MAGEA11: variants seen among roughly 807,000 people sequenced by gnomAD.
MAGEA11 encodes the protein melanoma-associated antigen 11.
Under a neutral mutation model 8.4 loss-of-function variants are expected in MAGEA11, and 1 was observed. That is an observed-to-expected ratio of 0.12 (90% CI 0.04 to 0.57). The LOEUF (loss-of-function observed/expected upper bound fraction) is 0.57, where lower values mean the gene tolerates loss of function less well. Ranked by LOEUF, MAGEA11 falls within the 20% of genes least tolerant of loss-of-function variation. The pLI is 0.91. For missense variants in MAGEA11, 209 were observed against 317.3 expected (o/e 0.66, Z 2.59); for synonymous variants, 127 against 119.3 (o/e 1.06, Z -0.42).
intron 1 of MAGEA11, among the ~76,000 whole-genome samples, chrX:149,698,362 A>G (rs929270039): frequency 2.7e-5 from 3 of 111,430 alleles, no homozygotes; most frequent in Non-Finnish European, 5.7e-5. Context: ...TATCATAAAA[A>G]TTTTTTAATC....
chrX:149,700,598 G>A (rs1557360919), intron 1 of MAGEA11, among the ~76,000 whole-genome samples: 1 of 108,799 alleles, frequency 9.2e-6, no homozygotes, highest in South Asian at 4.1e-4. Flanking sequence ...AAGTTTTAGG[G>A]TACATGTGCA....
At chrX:149,713,471 G>C (rs1337088852) in intron 2 of MAGEA11, 1 of 350,079 alleles carries the variant, frequency 2.9e-6, no homozygotes, top group African/African-American at 2.7e-5. Flanking sequence ...GAGGCCCCAA[G>C]CAGGACTCTA....
At chrX:149,700,965 T>C (rs1252103185) in intron 1 of MAGEA11, among the ~76,000 whole-genome samples, 1 of 107,833 alleles carries the variant, frequency 9.3e-6, no homozygotes, top group Admixed American at 1.0e-4. Context: ...CAGTCTATCA[T>C]TGTTGGACAT....
chrX:149,688,687 TATACATATA>T (rs2090297520), upstream of MAGEA11: 9 of 193,165 alleles, frequency 4.7e-5, no homozygotes, highest in Middle Eastern at 3.7e-3. Flanking sequence ...TACATATACA[TATACATATA>T]CATATACATA....
rs1557362088 is a variant in MAGEA11, at chrX:149,713,181, G to A, written c.22G>A (p.Gly8Arg). 1 of 1,205,373 alleles carries A rather than the reference G, an allele frequency of 8.3e-7. No homozygotes were observed. Among genetic ancestry groups the A allele is most frequent in the African/African-American group, 1.8e-5 (1 of 56,847 alleles). The change falls in exon 2 of 5, where the codon GGG (glycine) becomes AGG (arginine). Residue 8 changes from glycine to arginine, a missense_variant. By Grantham distance (125) the Gly-to-Arg change is moderately radical. Transcript: ENST00000355220. ...AGGGATGGAGACTCAGTTCCGCAGA[G>A]GGGGTCTGGGGTGCAGCCCTGCCAG... Reference protein sequence around the residue: METQFRRGGLGCSPASIK... With the variant: METQFRRRGLGCSPASIK...
intron 1 of MAGEA11, among the ~76,000 whole-genome samples, chrX:149,696,975 C>T (rs2090332584): frequency 8.9e-6 from 1 of 111,873 alleles, no homozygotes; most frequent in Admixed American, 9.4e-5. Flanking sequence ...ATCTTCACTG[C>T]TCTGTCCATA....
chrX:149,713,093 G>GCC (rs368893040), intron 1 of MAGEA11, 50 bp from the exon 2 acceptor site: 24 of 809,618 alleles, frequency 3.0e-5, no homozygotes, highest in African/African-American at 2.3e-4. Context: ...CCCCAGAACA[G>GCC]CCCCCCCCCA....
intron 4 of MAGEA11, 25 bp downstream of exon 4, chrX:149,715,702 C>A (rs782788721): frequency 8.3e-7 from 1 of 1,199,812 alleles, no homozygotes; most frequent in South Asian, 1.8e-5. Context: ...GTTAGATTCT[C>A]CATGGTTCAT....
At chrX:149,714,299 C>T (rs1602941140) in intron 2 of MAGEA11, 182 bp from the exon 3 acceptor site, 2 of 612,022 alleles carry the variant, frequency 3.3e-6, no homozygotes, top group East Asian at 3.7e-5. Flanking sequence ...TATGTCTGCT[C>T]ATCTCAGGGG....
chrX:149,713,095 C>G (rs782478542), intron 1 of MAGEA11, 48 bp from the exon 2 acceptor site: 4 of 860,129 alleles, frequency 4.7e-6, no homozygotes, highest in East Asian at 3.2e-5. Context: ...CCAGAACAGC[C>G]CCCCCCCATA....
Position 149,706,950 on chromosome X carries a change from G to C in MAGEA11, c.10-7531G>C, listed in dbSNP as rs782197220. Reference sequence around the variant, plus strand: ...AGGTCACAGCTGCCTCCTGACAAGAGAGAGTGTTCAGATAGCCCTGGGTGG... The same window carrying C: ...AGGTCACAGCTGCCTCCTGACAAGACAGAGTGTTCAGATAGCCCTGGGTGG... On this transcript the variant is annotated intron_variant, in intron 1 of 3. Transcript: ENST00000333104. Among the ~76,000 whole-genome samples, 3 of 112,859 alleles carry C rather than the reference G, an allele frequency of 2.7e-5. No homozygotes were observed. In the Admixed American group the frequency reaches 2.8e-4, roughly 11 times the overall value.
chrX:149,700,345 C>T (rs782375280), intron 1 of MAGEA11, among the ~76,000 whole-genome samples: 1 of 112,094 alleles, frequency 8.9e-6, no homozygotes, highest in East Asian at 2.8e-4. Flanking sequence ...AGCTAGTGCA[C>T]TTGAACTATG....
chrX:149,695,364 C>T (rs2090326577), intron 1 of MAGEA11, among the ~76,000 whole-genome samples: 1 of 109,977 alleles, frequency 9.1e-6, no homozygotes. Flanking sequence ...AGTTTTCCCC[C>T]ACAAAAACAC....
At chrX:149,689,158 GA>G (rs1557359930) in intron 1 of MAGEA11, among the ~76,000 whole-genome samples, 1 of 111,996 alleles carries the variant, frequency 8.9e-6, no homozygotes. Context: ...TGTGTCCTGT[GA>G]CTATAAAAGT....
rs2090430613 is a variant in MAGEA11 at position 149,717,125 on chromosome X, G to A, written c.*349G>A. The A allele has an allele frequency of 6.7e-6, 1 of 149,922 alleles. No homozygotes were observed. The highest frequency in any genetic ancestry group is 3.0e-5 in the African/African-American group (1 of 32,886). The allele number at this position is 149,922 out of a possible 1,213,427, so 12.4% of individuals were successfully genotyped here. On this transcript the variant is annotated 3_prime_UTR_variant, in exon 5 of 5. Transcript: ENST00000355220. ...TTTTGCTTATCCATTTCAAGTGCAA[G>A]TGTTTGCCATTTTGTAAAACATTTT...
chrX:149,688,842 G>T, exon 1 of MAGEA11: 1 of 442,537 alleles, frequency 2.3e-6, no homozygotes, highest in Non-Finnish European at 3.9e-6. Flanking sequence ...CACCAGGGCA[G>T]GGAGCTGTCT....
At chrX:149,703,546 C>G (rs1336641765) in intron 1 of MAGEA11, among the ~76,000 whole-genome samples, 1 of 111,569 alleles carries the variant, frequency 9.0e-6, no homozygotes, top group Non-Finnish European at 1.9e-5. Context: ...AGGAATTCTT[C>G]AAAGCAACTC....
intron 4 of MAGEA11, 33 bp from the exon 5 acceptor site, chrX:149,715,720 C>T (rs781949054): frequency 1.0e-5 from 12 of 1,199,795 alleles, no homozygotes; most frequent in Non-Finnish European, 1.4e-5. Context: ...CATATCTCAT[C>T]TGAGTCTGTT....
chrX:149,711,026 C>G (rs1428762709), upstream of MAGEA11, among the ~76,000 whole-genome samples: 2 of 111,060 alleles, frequency 1.8e-5, no homozygotes, highest in African/African-American at 6.6e-5. Context: ...GTGGAAAACT[C>G]GGGTAGGGTC....
Sources: gnomAD v4.1 joint callset for allele counts (sites outside exome capture counted in the v4.1 genomes callset) on GRCh38, gnomAD v4.1.1 for gene constraint, MANE v1.5 for transcripts, NCBI Gene and HGNC (gene_info 2026-07-23, HGNC 2026-07-21) for gene names.